The following TENM3 variants were observed in gnomAD, a reference collection of about 807,000 sequenced individuals.
TENM3 encodes the protein teneurin transmembrane protein 3, also known as teneurin-3.
A neutral mutation model predicts 255.1 loss-of-function variants in TENM3; 63 were observed. That is an observed-to-expected ratio of 0.25 (90% CI 0.20 to 0.30). The LOEUF is 0.30. Among genes scored for constraint, TENM3 ranks in the 10% least tolerant of loss-of-function variants. The probability of loss-of-function intolerance (pLI) is 1.00; values close to 1 mark genes in which losing one functional copy is unlikely to be tolerated. For missense variants in TENM3, 2,929 were observed against 3,461.1 expected, an observed-to-expected ratio of 0.85 and a Z score of 3.86; for synonymous variants, 1,306 against 1,322.3, an observed-to-expected ratio of 0.99 and a Z score of 0.27.
At chr4:181,574,486 G>A in the TENM3 span, among the ~76,000 whole-genome samples, 15 of 151,212 alleles carry the variant, frequency 9.9e-5, no homozygotes, top group Admixed American at 2.6e-4. Context: ...AGCCGAGATC[G>A]TGCCACTGCA....
At chr4:182,248,636 T>C (rs1407116262) in intron 1 of TENM3, among the ~76,000 whole-genome samples, 1 of 152,234 alleles carries the variant, frequency 6.6e-6, no homozygotes, top group East Asian at 1.9e-4. Flanking sequence ...TCAGTAACAA[T>C]GTAATTTTAA....
At chr4:182,464,674 TATG>T (rs1278145609) in intron 3 of TENM3, among the ~76,000 whole-genome samples, 1 of 152,240 alleles carries the variant, frequency 6.6e-6, no homozygotes, top group African/African-American at 2.4e-5. Flanking sequence ...TTTTAAAGGT[TATG>T]AAGTTACAAA....
chr4:182,198,438 G>C lies in TENM3; in HGVS notation c.-76+53684G>C, dbSNP rs1753965061. Reference sequence around the variant, plus strand: ...GGCGGTGAGAAAGAGGTGTGCCTCAGTCGGTTGTCAGAGCGACACTCACAT... The same window carrying C: ...GGCGGTGAGAAAGAGGTGTGCCTCACTCGGTTGTCAGAGCGACACTCACAT... On this transcript the variant is annotated intron_variant, in intron 1 of 2. Transcript: ENST00000512480. 2.0e-5 allele frequency among the ~76,000 whole-genome samples: 3 copies of C among 152,368 alleles called. No individual in the cohort carries two copies. In the South Asian group the frequency reaches 6.2e-4, roughly 32 times the overall value.
intron 12 of TENM3, among the ~76,000 whole-genome samples, chr4:182,694,693 A>G (rs1421857300): frequency 6.6e-6 from 1 of 152,202 alleles, no homozygotes; most frequent in Non-Finnish European, 1.5e-5. Flanking sequence ...AAACTCACAC[A>G]TGCAGTACTC....
chr4:181,565,607 C>A, the TENM3 span, among the ~76,000 whole-genome samples: 1 of 152,158 alleles, frequency 6.6e-6, no homozygotes, highest in Non-Finnish European at 1.5e-5. Context: ...ATCAGGGTGG[C>A]TCCCTGTAGA....
intron 3 of TENM3, among the ~76,000 whole-genome samples, chr4:182,419,734 G>A (rs1466550235): frequency 6.6e-6 from 1 of 152,052 alleles, no homozygotes; most frequent in Non-Finnish European, 1.5e-5. Context: ...CATGGATGAA[G>A]CTGGAAACCA....
At chr4:181,449,270 T>C in the TENM3 span, among the ~76,000 whole-genome samples, 1 of 152,194 alleles carries the variant, frequency 6.6e-6, no homozygotes, top group African/African-American at 2.4e-5. Context: ...AGGTCTATGA[T>C]ATATATCATT....
the TENM3 span, among the ~76,000 whole-genome samples, chr4:181,462,251 G>T: frequency 6.6e-6 from 1 of 152,138 alleles, no homozygotes; most frequent in Non-Finnish European, 1.5e-5. Flanking sequence ...AGTAGTTAGG[G>T]TAATTGCCTC....
chr4:182,720,766 C>CTTTTTT (rs11369655), intron 13 of TENM3, among the ~76,000 whole-genome samples: 2 of 129,814 alleles, frequency 1.5e-5, no homozygotes, highest in African/African-American at 2.8e-5. Flanking sequence ...AGTCTCCCCT[C>CTTTTTT]TTTTTTTTTT....
chr4:181,957,019 A>T, the TENM3 span, among the ~76,000 whole-genome samples: 1 of 152,190 alleles, frequency 6.6e-6, no homozygotes, highest in Non-Finnish European at 1.5e-5. Flanking sequence ...CACTAAAATA[A>T]TGGTATCTGG....
At chr4:182,043,432 A>G in the TENM3 span, among the ~76,000 whole-genome samples, 2 of 152,328 alleles carry the variant, frequency 1.3e-5, no homozygotes, top group South Asian at 2.1e-4. Flanking sequence ...AACTGCCTGT[A>G]GAAACCAAGA....
At chr4:181,718,200 A>G in the TENM3 span, among the ~76,000 whole-genome samples, 1 of 152,260 alleles carries the variant, frequency 6.6e-6, no homozygotes. Context: ...GTCTGGAAAG[A>G]CATGATGCCA....
chr4:181,847,507 A>T, the TENM3 span, among the ~76,000 whole-genome samples: 7 of 152,090 alleles, frequency 4.6e-5, no homozygotes, highest in South Asian at 1.2e-3. Flanking sequence ...TTAACAACGA[A>T]AATTGTTGCA....
At chr4:181,615,648 C>G in the TENM3 span, among the ~76,000 whole-genome samples, 7 of 152,180 alleles carry the variant, frequency 4.6e-5, no homozygotes, top group Non-Finnish European at 7.3e-5. Flanking sequence ...GCTTTCTACA[C>G]CAGCCGTGCT....
chr4:182,375,805 A>G (rs772321143), intron 3 of TENM3, among the ~76,000 whole-genome samples: 5 of 152,148 alleles, frequency 3.3e-5, no homozygotes, highest in Non-Finnish European at 7.4e-5. Context: ...CAGCCTCCCA[A>G]AGTGCTGGGG....
upstream of TENM3, chr4:182,144,535 CGGGCCGCG>C (rs1479273969): frequency 6.7e-6 from 1 of 149,476 alleles, no homozygotes; most frequent in African/African-American, 2.4e-5. Flanking sequence ...CCCGCGTCCC[CGGGCCGCG>C]CGGCCGGGGG....
At chr4:181,874,517 G>A in the TENM3 span, 1 of 152,212 alleles carries the variant, frequency 6.6e-6, no homozygotes, top group Admixed American at 6.5e-5. Flanking sequence ...TTACCACTCA[G>A]ACTGGGTTGG....
intron 5 of TENM3, among the ~76,000 whole-genome samples, chr4:182,644,999 G>A (rs1035429371): frequency 1.9e-4 from 29 of 151,956 alleles, no homozygotes; most frequent in African/African-American, 6.5e-4. Flanking sequence ...GATGACAAAT[G>A]TCAGATGTTA....
At chr4:182,449,054 A>G (rs756123646) in intron 3 of TENM3, 1 of 361,262 alleles carries the variant, frequency 2.8e-6, no homozygotes, top group South Asian at 1.9e-5. Context: ...TCGGTTCCTC[A>G]CGGCCACAGC....
Sources: gnomAD v4.1 joint callset for allele counts (sites outside exome capture counted in the v4.1 genomes callset) on GRCh38, gnomAD v4.1.1 for gene constraint, MANE v1.5 for transcripts, NCBI Gene and HGNC (gene_info 2026-07-23, HGNC 2026-07-21) for gene names.